The following DMD variants were observed in gnomAD, a reference collection of about 807,000 sequenced individuals.
DMD encodes the protein dystrophin, also known as mutant dystrophin.
A neutral mutation model predicts 330.1 loss-of-function variants in DMD; 63 were observed. The ratio of observed to expected loss-of-function variants is 0.19; its 90% CI spans 0.16 to 0.24. DMD has a LOEUF of 0.24. Ranked by LOEUF, DMD falls within the 10% of genes least tolerant of loss-of-function variation. The probability of loss-of-function intolerance (pLI) is 1.00; values close to 1 mark genes in which losing one functional copy is unlikely to be tolerated. For synonymous variants in DMD, 1,223 were observed against 959.8 expected (o/e 1.27, Z -5.07); for missense variants, 3,344 against 2,684.1 (o/e 1.25, Z -5.43).
chrX:32,352,675 T>C (rs1338284795), intron 37 of DMD, among the ~76,000 whole-genome samples: 1 of 111,062 alleles, frequency 9.0e-6, no homozygotes, highest in Non-Finnish European at 1.9e-5. Flanking sequence ...AGTAATGTTT[T>C]GTTTATAACT....
intron 52 of DMD, among the ~76,000 whole-genome samples, chrX:31,727,709 T>C (rs1427072544): frequency 8.9e-6 from 1 of 112,234 alleles, no homozygotes; most frequent in Non-Finnish European, 1.9e-5. Context: ...GGAGATTACC[T>C]GTTATAGTGG....
intron 50 of DMD, among the ~76,000 whole-genome samples, chrX:31,791,724 C>G (rs761204479): frequency 9.0e-6 from 1 of 111,408 alleles, no homozygotes; most frequent in South Asian, 3.7e-4. Flanking sequence ...TTTTTTTGCA[C>G]CCATTTTATT....
intron 51 of DMD, among the ~76,000 whole-genome samples, chrX:31,731,454 T>G (rs887781303): frequency 3.6e-5 from 4 of 111,958 alleles, no homozygotes; most frequent in African/African-American, 1.3e-4. Flanking sequence ...CTAAAATGTT[T>G]GAATATGTTC....
intron 62 of DMD, among the ~76,000 whole-genome samples, chrX:31,284,557 T>TTTCTTCTTC (rs201340042): frequency 0.03 from 2,353 of 78,039 alleles, 87 homozygotes; most frequent in African/African-American, 0.056. Context: ...TAACGAACTG[T>TTTCTTCTTC]TTCTTCTTCT....
At chrX:32,647,975 A>G (rs1371561537) in intron 9 of DMD, among the ~76,000 whole-genome samples, 1 of 112,111 alleles carries the variant, frequency 8.9e-6, no homozygotes, top group African/African-American at 3.2e-5. Context: ...AAAAATCATT[A>G]ACTATCTTGA....
chrX:32,583,879 T>G (rs957215548), intron 13 of DMD: 5 of 111,395 alleles, frequency 4.5e-5, no homozygotes, highest in African/African-American at 1.6e-4. Flanking sequence ...GGACCATAGC[T>G]TCAGAATTTT....
intron 55 of DMD, among the ~76,000 whole-genome samples, chrX:31,562,612 T>A (rs778079859): frequency 7.3e-4 from 82 of 112,456 alleles, no homozygotes; most frequent in Non-Finnish European, 1.0e-3. Context: ...CATATTCCTA[T>A]ACTTCGGCCA....
chrX:32,711,828 T>C (rs755662233), intron 7 of DMD, among the ~76,000 whole-genome samples: 2 of 112,072 alleles, frequency 1.8e-5, no homozygotes, highest in Non-Finnish European at 3.8e-5. Context: ...TCTAATGAGA[T>C]TAAACATATA....
intron 1 of DMD, among the ~76,000 whole-genome samples, chrX:33,057,535 A>C (rs183940718): frequency 8.5e-4 from 96 of 112,370 alleles, no homozygotes; most frequent in African/African-American, 3.0e-3. Context: ...GATTCTACGC[A>C]TGCATAGAAA....
chrX:32,838,032 G>A (rs1310877119), intron 4 of DMD, among the ~76,000 whole-genome samples: 2 of 111,836 alleles, frequency 1.8e-5, no homozygotes, highest in East Asian at 5.6e-4. Flanking sequence ...TAAACCTACA[G>A]TTATTTGTAC....
intron 59 of DMD, among the ~76,000 whole-genome samples, chrX:31,457,617 G>C (rs1250087353): frequency 8.9e-6 from 1 of 111,982 alleles, no homozygotes; most frequent in African/African-American, 3.2e-5. Context: ...GTCTCAAAGA[G>C]ATTCTGTTTT....
At chrX:32,357,119 C>T (rs1200766908) in intron 37 of DMD, among the ~76,000 whole-genome samples, 2 of 111,628 alleles carry the variant, frequency 1.8e-5, no homozygotes, top group African/African-American at 3.3e-5. Flanking sequence ...CAACTCCTGA[C>T]GTCAGGTGAT....
In DMD at chrX:32,645,515, T is replaced by C. The variant is rs943549849; in HGVS notation, c.961-363A>G. On this transcript the variant is annotated intron_variant, in intron 9 of 78. Coordinates refer to ENST00000357033, the MANE Select transcript of DMD (RefSeq NM_004006.3). Reference sequence around the variant, plus strand: ...TAACTTACATATACATTATCAGAATTATATTTACATACCTCTGCAATGGCA... The same window carrying C: ...TAACTTACATATACATTATCAGAATCATATTTACATACCTCTGCAATGGCA... Among the ~76,000 whole-genome samples, 4 of 112,009 alleles carry C rather than the reference T, an allele frequency of 3.6e-5. No homozygotes were observed. In the South Asian group the frequency reaches 1.5e-3, roughly 41 times the overall value.
chrX:32,058,064 A>G (rs1419934739), intron 44 of DMD, among the ~76,000 whole-genome samples: 2 of 111,540 alleles, frequency 1.8e-5, no homozygotes, highest in Non-Finnish European at 3.8e-5. Context: ...TAAACTATAC[A>G]TAAAAATCAA....
intron 49 of DMD, among the ~76,000 whole-genome samples, chrX:31,832,154 C>T (rs773090904): frequency 3.6e-5 from 4 of 111,791 alleles, no homozygotes; most frequent in African/African-American, 1.3e-4. Context: ...TGAGATTGTA[C>T]GCATGGCAGA....
intron 7 of DMD, among the ~76,000 whole-genome samples, chrX:32,727,348 T>A (rs2067002765): frequency 1.8e-5 from 2 of 111,117 alleles, no homozygotes; most frequent in African/African-American, 6.5e-5. Context: ...ATGAATTCAT[T>A]GAGACTTGTA....
At chrX:32,544,873 T>G (rs982821670) in intron 17 of DMD, among the ~76,000 whole-genome samples, 2 of 110,493 alleles carry the variant, frequency 1.8e-5, no homozygotes, top group African/African-American at 6.6e-5. Context: ...AGAAAGAAAC[T>G]TTTAGGATTA....
At chrX:33,011,239 C>T (rs2093696074) in intron 2 of DMD, among the ~76,000 whole-genome samples, 1 of 111,330 alleles carries the variant, frequency 9.0e-6, no homozygotes. Context: ...CATGACTAAG[C>T]CATTATCTTA....
At chrX:32,029,164 C>T (rs1266171577) in intron 44 of DMD, among the ~76,000 whole-genome samples, 1 of 111,226 alleles carries the variant, frequency 9.0e-6, no homozygotes, top group African/African-American at 3.3e-5. Flanking sequence ...TGGTTCTTTC[C>T]TCCTCATTTA....
Sources: gnomAD v4.1 joint callset for allele counts (sites outside exome capture counted in the v4.1 genomes callset) on GRCh38, gnomAD v4.1.1 for gene constraint, MANE v1.5 for transcripts, NCBI Gene and HGNC (gene_info 2026-07-23, HGNC 2026-07-21) for gene names.